Variants in CACNB2 observed in about 807,000 individuals in gnomAD.
CACNB2 encodes the protein calcium voltage-gated channel auxiliary subunit beta 2.
Under a neutral mutation model 73.3 loss-of-function variants are expected in CACNB2, and 42 were observed. That is an observed-to-expected ratio of 0.57 (90% CI 0.45 to 0.74). The LOEUF (loss-of-function observed/expected upper bound fraction) is 0.74. CACNB2 is among the 30% of genes least tolerant of loss of function. CACNB2 has a pLI of 0.00. For synonymous variants in CACNB2, 348 were observed against 310.3 expected (o/e 1.12, Z -1.28); for missense variants, 940 against 853.0 (o/e 1.10, Z -1.27).
chr10:18,385,726 T>A (rs144017244), intron 2 of CACNB2, among the ~76,000 whole-genome samples: 6 of 152,132 alleles, frequency 3.9e-5, no homozygotes, highest in Non-Finnish European at 7.4e-5. Flanking sequence ...TCTGATGGTT[T>A]TTTCTTTTTC....
chr10:18,388,328 C>T (rs2043321292), intron 2 of CACNB2, among the ~76,000 whole-genome samples: 2 of 152,110 alleles, frequency 1.3e-5, no homozygotes, highest in Non-Finnish European at 2.9e-5. Context: ...ATATCTGTGG[C>T]ACATTTCCAG....
At chr10:18,168,085 G>A (rs1238668276) in intron 2 of CACNB2, among the ~76,000 whole-genome samples, 1 of 151,164 alleles carries the variant, frequency 6.6e-6, no homozygotes, top group Admixed American at 6.6e-5. Context: ...TAAAAAAATT[G>A]TTGTTTGTTT....
intron 3 of CACNB2, among the ~76,000 whole-genome samples, chr10:18,457,274 G>A (rs947306724): frequency 6.6e-6 from 1 of 152,058 alleles, no homozygotes; most frequent in African/African-American, 2.4e-5. Context: ...ATTTTCTATA[G>A]AGACGGGACC....
At chr10:18,463,720 C>T (rs1013125834) in intron 3 of CACNB2, among the ~76,000 whole-genome samples, 14 of 152,064 alleles carry the variant, frequency 9.2e-5, no homozygotes, top group African/African-American at 2.7e-4. Flanking sequence ...TGGGAGCCAC[C>T]GTGCCTGGCC....
rs576200918 is a variant in CACNB2 at position 18,163,628 on chromosome 10, T to A, written c.213+12653T>A. Among the ~76,000 whole-genome samples the A allele has an allele frequency of 3.3e-5, 5 of 152,302 alleles. No individual in the cohort carries two copies. The South Asian group carries it at 1.0e-3, about 32-fold the overall frequency. ...TCATCTGTTTCGTATTGAGCATATA[T>A]CAAGAAACAGAGGTGTTCAGTTAGT... On this transcript the variant is annotated intron_variant, in intron 2 of 13. Coordinates refer to ENST00000324631, the MANE Select transcript of CACNB2 (RefSeq NM_201596.3).
intron 1 of CACNB2, among the ~76,000 whole-genome samples, chr10:18,146,406 T>C (rs1296501630): frequency 1.3e-5 from 2 of 151,452 alleles, no homozygotes; most frequent in African/African-American, 4.9e-5. Flanking sequence ...ACCTTCCATG[T>C]TGAAGCAATT....
chr10:18,526,159 G>A (rs920609898), intron 9 of CACNB2, among the ~76,000 whole-genome samples: 3 of 152,172 alleles, frequency 2.0e-5, no homozygotes, highest in African/African-American at 7.2e-5. Flanking sequence ...AATTTACACA[G>A]GAAACCTCCA....
intron 2 of CACNB2, among the ~76,000 whole-genome samples, chr10:18,152,528 T>C (rs1213697039): frequency 6.6e-6 from 1 of 151,452 alleles, no homozygotes; most frequent in Non-Finnish European, 1.5e-5. Flanking sequence ...GGCATCATGG[T>C]CCTGCTGATG....
At position 18,541,226 on chromosome 10, in the gene CACNB2, T is replaced by G. The variant is rs2054052474; in HGVS notation, c.*1502T>G. 6.5e-6 allele frequency: 1 copy of G among 152,718 alleles called. No individual in the cohort carries two copies. The highest frequency in any genetic ancestry group is 1.5e-5 in the Non-Finnish European group (1 of 68,036). 9.5% of individuals were successfully genotyped at this position (152,718 alleles called of 1,614,324 possible). A position where few individuals can be genotyped will look rare whatever the true frequency, so the allele number is the denominator to read the frequency against. ...ACTGTCTGTCAGAACCCAGAAGTGC[T>G]TCTTATAACCAAAGTTTCTGTTCTT... On this transcript the variant is annotated 3_prime_UTR_variant, in exon 14 of 14. Transcript: ENST00000324631.
intron 10 of CACNB2, among the ~76,000 whole-genome samples, chr10:18,532,499 G>C (rs541446773): frequency 1.1e-4 from 16 of 151,512 alleles, no homozygotes; most frequent in African/African-American, 3.4e-4. Context: ...ATGGTGAAAC[G>C]CCATCTCTAC....
At chr10:18,141,220 GTCC>G in intron 1 of CACNB2, 1 of 1,480,690 alleles carries the variant, frequency 6.8e-7, no homozygotes, top group Non-Finnish European at 9.2e-7. Context: ...AAGATCGTGA[GTCC>G]GGGTGGGCGG....
intron 4 of CACNB2, among the ~76,000 whole-genome samples, chr10:18,500,306 C>T (rs2050123706): frequency 6.6e-6 from 1 of 152,192 alleles, no homozygotes; most frequent in African/African-American, 2.4e-5. Context: ...GTCAACATCA[C>T]ACAAGTAGAG....
At chr10:18,472,019 T>G (rs1436398444) in intron 3 of CACNB2, among the ~76,000 whole-genome samples, 1 of 152,070 alleles carries the variant, frequency 6.6e-6, no homozygotes, top group African/African-American at 2.4e-5. Context: ...TATCTCCCTT[T>G]TTCATTACAG....
intron 1 of CACNB2, among the ~76,000 whole-genome samples, chr10:18,149,144 C>T (rs921268416): frequency 2.0e-5 from 3 of 151,916 alleles, no homozygotes; most frequent in Non-Finnish European, 4.4e-5. Context: ...AAAATACTTT[C>T]TAGGTAATAA....
chr10:18,528,597 C>T (rs1300608109), intron 10 of CACNB2, among the ~76,000 whole-genome samples: 2 of 152,070 alleles, frequency 1.3e-5, no homozygotes, highest in Non-Finnish European at 2.9e-5. Flanking sequence ...ATATAAATAA[C>T]AGAAAAACTA....
Position 18,539,676 on chromosome 10 carries a change from A to T in CACNB2, c.1935A>T (p.Lys645Asn). The T allele has an allele frequency of 6.2e-7, 1 of 1,613,396 alleles. No homozygotes were observed. The highest frequency in any genetic ancestry group is 8.5e-7 in the Non-Finnish European group (1 of 1,179,842). Residue 645 changes from lysine (K) to asparagine (N), a missense_variant, in exon 14 of 14, where the codon AAA (lysine) becomes AAT (asparagine). Lys to Asn is a moderately conservative substitution (Grantham distance 94). Transcript: ENST00000324631. ...CEKDGEVISK[K>N]RNEAGEWNRD... ...AGGATGGAGAAGTGATATCAAAAAA[A>T]CGGAATGAGGCTGGGGAGTGGAACA...
intron 2 of CACNB2, among the ~76,000 whole-genome samples, chr10:18,173,254 G>C (rs2033373206): frequency 6.6e-6 from 1 of 152,300 alleles, no homozygotes. Context: ...TTTGAGAAAT[G>C]AAAGAGATGA....
Position 18,539,270 on chromosome 10 carries a change from T to A in CACNB2, c.1529T>A (p.Ile510Asn). The change falls in exon 14 of 14, where the codon ATC becomes AAC. Residue 510 changes from isoleucine (I) to asparagine (N), a missense_variant. Physicochemically the swap from Ile to Asn is moderately radical, Grantham distance 149. Coordinates refer to ENST00000324631, the MANE Select transcript of CACNB2 (RefSeq NM_201596.3). ...CAGAGGACTGATCGCTCCGCTCCTATCCGTTCTGCTTCCCAAGCTGAAGAA... is the reference window on the plus strand; with the variant it reads ...CAGAGGACTGATCGCTCCGCTCCTAACCGTTCTGCTTCCCAAGCTGAAGAA... ...GDQRTDRSAP[I>N]RSASQAEEEP... The A allele has an allele frequency of 6.2e-7, 1 of 1,613,996 alleles. No homozygotes were observed. The highest frequency in any genetic ancestry group is 8.5e-7 in the Non-Finnish European group (1 of 1,179,996).
chr10:18,529,798 CTTT>C (rs894113421), intron 10 of CACNB2, among the ~76,000 whole-genome samples: 4 of 152,122 alleles, frequency 2.6e-5, no homozygotes, highest in Non-Finnish European at 4.4e-5. Flanking sequence ...ATAGCAATTT[CTTT>C]TTTATGTCCT....
Sources: gnomAD v4.1 joint callset for allele counts (sites outside exome capture counted in the v4.1 genomes callset) on GRCh38, gnomAD v4.1.1 for gene constraint, MANE v1.5 for transcripts, NCBI Gene and HGNC (gene_info 2026-07-23, HGNC 2026-07-21) for gene names.